Variants in ZNRF2 observed in about 807,000 individuals in gnomAD.
The protein encoded by ZNRF2 is zinc and ring finger 2, also known as E3 ubiquitin-protein ligase ZNRF2.
Under a neutral mutation model 20.4 loss-of-function variants are expected in ZNRF2, and 16 were observed. The observed-to-expected ratio is 0.79, with a 90% CI of 0.53 to 1.19. ZNRF2 has a LOEUF of 1.19. Ranked by LOEUF, ZNRF2 falls within the 50% of genes most tolerant of loss-of-function variation. The probability of loss-of-function intolerance (pLI) is 0.00; values close to 1 mark genes in which losing one functional copy is unlikely to be tolerated. For missense variants in ZNRF2, 363 were observed against 332.4 expected (o/e 1.09, Z -0.72); for synonymous variants, 178 against 144.9 (o/e 1.23, Z -1.64).
intron 2 of ZNRF2, among the ~76,000 whole-genome samples, chr7:30,324,480 C>T (rs1387443430): frequency 4.7e-5 from 7 of 149,878 alleles, no homozygotes; most frequent in South Asian, 2.1e-4. Context: ...ACCCAGGAGG[C>T]GAAAGTTGTA....
In ZNRF2 at chr7:30,308,080, C is replaced by T. The variant is rs557805251; in HGVS notation, c.470-15562C>T. 6.6e-5 allele frequency among the ~76,000 whole-genome samples: 10 copies of T among 152,114 alleles called. No individual in the cohort carries two copies. The South Asian group carries it at 1.7e-3, about 25-fold the overall frequency. Reference sequence around the variant, plus strand: ...TTTTCCTCTTAGAATAATCATAATCCGTACATTTGTAATCATTTCTTTGCC... The same window carrying T: ...TTTTCCTCTTAGAATAATCATAATCTGTACATTTGTAATCATTTCTTTGCC... On this transcript the variant is annotated intron_variant, in intron 1 of 4. Coordinates refer to ENST00000323037, the MANE Select transcript of ZNRF2 (RefSeq NM_147128.4).
chr7:30,314,090 A>C (rs1799329454), intron 1 of ZNRF2, among the ~76,000 whole-genome samples: 1 of 152,166 alleles, frequency 6.6e-6, no homozygotes, highest in Non-Finnish European at 1.5e-5. Context: ...CTTTCCCTTC[A>C]TCAGCTGTTT....
chr7:30,303,389 T>G (rs1017147707), intron 1 of ZNRF2, among the ~76,000 whole-genome samples: 5 of 152,240 alleles, frequency 3.3e-5, no homozygotes, highest in Non-Finnish European at 7.3e-5. Flanking sequence ...GTTTTATGGC[T>G]CAAACAAACT....
chr7:30,287,021 A>AT (rs989964582), intron 1 of ZNRF2, among the ~76,000 whole-genome samples: 19 of 152,136 alleles, frequency 1.2e-4, no homozygotes, highest in Non-Finnish European at 2.2e-4. Flanking sequence ...CATTTTTCCC[A>AT]TTTTTTTAGT....
At chr7:30,361,269 A>G (rs571866816) in intron 3 of ZNRF2, among the ~76,000 whole-genome samples, 1 of 152,262 alleles carries the variant, frequency 6.6e-6, no homozygotes, top group African/African-American at 2.4e-5. Flanking sequence ...CAAACTGGCT[A>G]TATATTTCGA....
At chr7:30,356,728 C>T (rs577542117) in intron 3 of ZNRF2, among the ~76,000 whole-genome samples, 47 of 107,638 alleles carry the variant, frequency 4.4e-4, no homozygotes, top group Non-Finnish European at 5.6e-4. Context: ...TTTTTTGAGA[C>T]GGAGTCTCGC....
At chr7:30,295,046 A>AGTGTGT (rs1798991587) in intron 1 of ZNRF2, among the ~76,000 whole-genome samples, 4 of 98,522 alleles carry the variant, frequency 4.1e-5, no homozygotes, top group Non-Finnish European at 8.0e-5. Context: ...AGAGAGAGAG[A>AGTGTGT]GAGAGTGTGT....
At chr7:30,289,974 CTTTTAAACTA>C in intron 1 of ZNRF2, 1 of 492,530 alleles carries the variant, frequency 2.0e-6, no homozygotes, top group Non-Finnish European at 4.1e-6. Flanking sequence ...GAGATATCAA[CTTTTAAACTA>C]TTTATTATTA....
intron 2 of ZNRF2, among the ~76,000 whole-genome samples, chr7:30,327,636 T>G (rs913706715): frequency 2.6e-5 from 4 of 152,022 alleles, no homozygotes; most frequent in African/African-American, 9.7e-5. Flanking sequence ...AATAAGTAAA[T>G]AAACTTGTAG....
chr7:30,295,568 G>A (rs1225321512), intron 1 of ZNRF2, among the ~76,000 whole-genome samples: 2 of 152,120 alleles, frequency 1.3e-5, no homozygotes, highest in African/African-American at 4.8e-5. Context: ...AAATTAGCCA[G>A]GTGTGGTGGT....
At chr7:30,355,625 A>G (rs1800024821) in intron 2 of ZNRF2, 103 bp from the exon 3 acceptor site, 1 of 831,750 alleles carries the variant, frequency 1.2e-6, no homozygotes, top group Non-Finnish European at 1.9e-6. Context: ...AGATATGCCA[A>G]GTAAGGTGGA....
At chr7:30,359,097 T>A (rs1800084157) in intron 3 of ZNRF2, among the ~76,000 whole-genome samples, 1 of 152,188 alleles carries the variant, frequency 6.6e-6, no homozygotes. Context: ...GGAAAAACAG[T>A]TGAGTCCTTA....
At chr7:30,365,292 A>C (rs949783721) in intron 4 of ZNRF2, among the ~76,000 whole-genome samples, 1 of 151,692 alleles carries the variant, frequency 6.6e-6, no homozygotes, top group African/African-American at 2.4e-5. Context: ...GCTGAAATGC[A>C]TATGTCTGTT....
intron 1 of ZNRF2, among the ~76,000 whole-genome samples, chr7:30,293,472 C>T (rs1434122881): frequency 3.9e-5 from 6 of 152,200 alleles, no homozygotes; most frequent in Non-Finnish European, 7.3e-5. Context: ...TAGTCTTGAG[C>T]TCTTGGCCTC....
intron 2 of ZNRF2, among the ~76,000 whole-genome samples, chr7:30,355,273 G>C (rs1800018930): frequency 6.6e-6 from 1 of 151,716 alleles, no homozygotes; most frequent in Non-Finnish European, 1.5e-5. Context: ...TCCCACATTT[G>C]GGGTGATTTC....
chr7:30,310,614 T>G (rs533296485), intron 1 of ZNRF2, among the ~76,000 whole-genome samples: 13 of 152,318 alleles, frequency 8.5e-5, no homozygotes, highest in African/African-American at 3.1e-4. Flanking sequence ...TAAAAAATTT[T>G]TATTCAGCCA....
At chr7:30,305,864 T>C (rs1799191995) in intron 1 of ZNRF2, among the ~76,000 whole-genome samples, 1 of 152,166 alleles carries the variant, frequency 6.6e-6, no homozygotes, top group Non-Finnish European at 1.5e-5. Context: ...TCTTATTACA[T>C]TCATCTGTCA....
intron 1 of ZNRF2, among the ~76,000 whole-genome samples, chr7:30,314,342 A>G (rs1799334280): frequency 6.6e-6 from 1 of 152,222 alleles, no homozygotes; most frequent in Non-Finnish European, 1.5e-5. Context: ...ATAACATTGT[A>G]CAACATAGCA....
At chr7:30,360,252 A>G (rs187694640) in intron 3 of ZNRF2, among the ~76,000 whole-genome samples, 31 of 152,236 alleles carry the variant, frequency 2.0e-4, no homozygotes, top group Non-Finnish European at 4.3e-4. Context: ...GTCATTTGAA[A>G]CAGTGTGATT....
Sources: allele counts gnomAD v4.1 joint callset (sites outside exome capture counted in the v4.1 genomes callset), GRCh38; gene constraint gnomAD v4.1.1; transcripts MANE v1.5; gene names NCBI Gene and HGNC (gene_info 2026-07-23, HGNC 2026-07-21).